AP1B1: variants seen among roughly 807,000 people sequenced by gnomAD.
AP1B1 encodes the protein AP-1 complex subunit beta-1.
Under a neutral mutation model 104.3 loss-of-function variants are expected in AP1B1, and 36 were observed. The ratio of observed to expected loss-of-function variants is 0.35; its 90% CI spans 0.26 to 0.46. AP1B1 has a LOEUF of 0.46. Ranked by LOEUF, AP1B1 falls within the 20% of genes least tolerant of loss-of-function variation. AP1B1 has a pLI of 1.00. For synonymous variants in AP1B1, 504 were observed against 517.5 expected, an observed-to-expected ratio of 0.97 and a Z score of 0.35; for missense variants, 901 against 1,247.9, an observed-to-expected ratio of 0.72 and a Z score of 4.19.
intron 1 of AP1B1, among the ~76,000 whole-genome samples, chr22:29,376,019 A>G (rs2062335338): frequency 6.6e-6 from 1 of 152,124 alleles, no homozygotes; most frequent in African/African-American, 2.4e-5. Flanking sequence ...TGAGGGGCCC[A>G]TTTCCCTACC....
At chr22:29,380,968 C>T (rs1191476439) in intron 1 of AP1B1, among the ~76,000 whole-genome samples, 15 of 152,228 alleles carry the variant, frequency 9.9e-5, no homozygotes, top group Admixed American at 9.2e-4. Context: ...CTCACGCATG[C>T]ACCCTGCTGG....
chr22:29,346,173 G>A (rs528748827), intron 11 of AP1B1, among the ~76,000 whole-genome samples: 1 of 152,324 alleles, frequency 6.6e-6, no homozygotes, highest in South Asian at 2.1e-4. Flanking sequence ...ACAACAGGGA[G>A]GAGGAGCTTG....
chr22:29,333,838 C>T (rs762490533), intron 17 of AP1B1, among the ~76,000 whole-genome samples: 104 of 152,126 alleles, frequency 6.8e-4, no homozygotes, highest in Admixed American at 1.3e-3. Context: ...CCGAGGTGGG[C>T]GGATTGCCTG....
At chr22:29,383,538 G>A (rs1470215243) in intron 1 of AP1B1, among the ~76,000 whole-genome samples, 3 of 151,830 alleles carry the variant, frequency 2.0e-5, no homozygotes, top group African/African-American at 7.3e-5. Flanking sequence ...GTGAAACCCC[G>A]TCTTTATTAA....
At position 29,356,436 on chromosome 22, in the gene AP1B1, C is replaced by T. The variant is rs1406452333; in HGVS notation, c.706G>A (p.Glu236Lys). 3 of 1,613,086 alleles carry T rather than the reference C, an allele frequency of 1.9e-6. No homozygotes were observed. Among genetic ancestry groups the T allele is most frequent in the Admixed American group, 1.7e-5 (1 of 59,996 alleles). ...GGGCAGCCCGCTCACCTCTGGGCCT[C>T]GCGGTCGTCCTTGGGCATATAGTTG... The part of the protein sequence containing the change: ...LANYMPKDDR[E>K]AQSICERVTP... The change falls in exon 6 of 23, where the codon GAG (glutamate) becomes AAG (lysine). Residue 236 changes from glutamate (E) to lysine (K), a missense_variant. This residue lies in a region of AP1B1 where 471 missense variants were observed against 696.7 expected (regional missense o/e 0.68). Transcript: ENST00000357586.
rs566793607 is a variant in AP1B1 at position 29,364,702 on chromosome 22, C to G, written c.38-1596G>C. ...GCACTGGGATTACAGGCATGAGCCA[C>G]CACGCCCGGCCATTTTTTTTTTTTG... On this transcript the variant is annotated intron_variant, in intron 2 of 22. Coordinates refer to ENST00000357586, the MANE Select transcript of AP1B1 (RefSeq NM_001127.4). 4.4e-4 allele frequency among the ~76,000 whole-genome samples: 67 copies of G among 151,850 alleles called. 1 individual carries two copies. The highest frequency in any genetic ancestry group is 1.0e-3 in the South Asian group (5 of 4,800).
In AP1B1 at chr22:29,331,921, GGAGA is replaced by G; in HGVS notation, c.2310-9_2310-6del. 6.2e-7 allele frequency: 1 copy of G among 1,607,072 alleles called. No homozygotes were observed. The highest frequency in any genetic ancestry group is 2.2e-5 in the East Asian group (1 of 44,784). The stretch of plus-strand genomic sequence containing the variant: ...GCGGCGGGGGCCAGGCCAAAGCTGG[GGAGA>G]GAGAAGCCCCACAGGGATGGCAGGG... On this transcript the variant is annotated splice_polypyrimidine_tract_variant and splice_region_variant and intron_variant, in intron 17 of 22. Transcript: ENST00000357586.
chr22:29,360,087 G>C (rs1223674550), intron 3 of AP1B1, 128 bp from the exon 4 acceptor site: 3 of 1,008,344 alleles, frequency 3.0e-6, no homozygotes, highest in Admixed American at 5.5e-5. Context: ...GGACTTCCTG[G>C]TAAAAGGGAG....
intron 19 of AP1B1, 128 bp from the exon 20 acceptor site, chr22:29,330,837 C>T (rs1017379362): frequency 1.7e-5 from 13 of 753,374 alleles, no homozygotes; most frequent in Middle Eastern, 3.7e-4. Flanking sequence ...CACTAGCTGC[C>T]GCACAGCCCT....
chr22:29,374,252 G>A (rs1335103655), intron 1 of AP1B1, among the ~76,000 whole-genome samples: 1 of 138,922 alleles, frequency 7.2e-6, no homozygotes, highest in Non-Finnish European at 1.5e-5. Context: ...CAAATCTGGA[G>A]AAGAAAGGAA....
rs758151161 is a variant in AP1B1 at position 29,338,945 on chromosome 22, A to G, written c.2163+45T>C. 65 of 1,611,696 alleles carry G rather than the reference A, an allele frequency of 4.0e-5. No individual in the cohort carries two copies. The South Asian group carries it at 5.7e-4, about 14-fold the overall frequency. ...TAAAGGAGCCCACATGCCAGTCTCC[A>G]TAACTTCTCTCTGCTCCCGCCAAGA... On this transcript the variant is annotated intron_variant, in intron 16 of 22. Transcript: ENST00000357586.
intron 1 of AP1B1, among the ~76,000 whole-genome samples, chr22:29,382,325 G>A (rs2062449447): frequency 6.6e-6 from 1 of 152,164 alleles, no homozygotes; most frequent in Non-Finnish European, 1.5e-5. Flanking sequence ...GGGATTACAG[G>A]CATGAGCCAC....
chr22:29,378,185 G>A (rs1308787001), intron 1 of AP1B1, among the ~76,000 whole-genome samples: 1 of 152,282 alleles, frequency 6.6e-6, no homozygotes, highest in African/African-American at 2.4e-5. Context: ...GTTTGGTCAT[G>A]TGCCTAGTGA....
Position 29,358,914 on chromosome 22 carries a change from T to C in AP1B1, c.337A>G (p.Ile113Val). 6.2e-7 allele frequency: 1 copy of C among 1,613,064 alleles called. No homozygotes were observed. The highest frequency in any genetic ancestry group is 8.5e-7 in the Non-Finnish European group (1 of 1,179,654). Residue 113 changes from isoleucine to valine, a missense_variant, in exon 5 of 23, where the codon ATC becomes GTC. Coordinates refer to ENST00000357586, the MANE Select transcript of AP1B1 (RefSeq NM_001127.4). ...RALAVRTMGC[I>V]RVDKITEYLC... The stretch of plus-strand genomic sequence containing the variant: ...TACTCTGTGATCTTGTCAACGCGGA[T>C]GCAGCCCATGGTCCGCACTGCCAGG...
At chr22:29,347,157 T>G (rs1260909374) in intron 11 of AP1B1, among the ~76,000 whole-genome samples, 2 of 152,114 alleles carry the variant, frequency 1.3e-5, no homozygotes, top group East Asian at 3.9e-4. Flanking sequence ...AGAAGATAGC[T>G]CAATGCCACC....
At chr22:29,332,658 G>A (rs561487284) in intron 17 of AP1B1, among the ~76,000 whole-genome samples, 1 of 152,316 alleles carries the variant, frequency 6.6e-6, no homozygotes, top group East Asian at 1.9e-4. Flanking sequence ...TGAGGACACC[G>A]TCTCAGGGAG....
chr22:29,349,377 C>G lies in AP1B1; in HGVS notation c.1278G>C (p.Glu426Asp). Residue 426 changes from glutamate (E) to aspartate (D), a missense_variant, in exon 11 of 23, where the codon GAG becomes GAC. Glu to Asp is a conservative substitution (Grantham distance 45). This residue lies in a region of AP1B1 where 471 missense variants were observed against 696.7 expected (regional missense o/e 0.68). Transcript: ENST00000357586. ...DIFRKYPNKYESVIATLCENL... is the reference protein window; with the variant it reads ...DIFRKYPNKYDSVIATLCENL... ...TCTCACACAGTGTGGCAATCACACT[C>G]TCATACCTGGGAGACCAGGGCACAG... The G allele has an allele frequency of 6.2e-7, 1 of 1,613,748 alleles. No homozygotes were observed. Among genetic ancestry groups the G allele is most frequent in the Non-Finnish European group, 8.5e-7 (1 of 1,179,996 alleles).
intron 1 of AP1B1, among the ~76,000 whole-genome samples, chr22:29,369,550 T>A (rs1486056568): frequency 6.6e-6 from 1 of 152,204 alleles, no homozygotes; most frequent in Non-Finnish European, 1.5e-5. Context: ...ATGTTGCAAG[T>A]CCCACAGTGG....
At chr22:29,363,260 G>C (rs1896354452) in intron 2 of AP1B1, among the ~76,000 whole-genome samples, 154 bp from the exon 3 acceptor site, 1 of 152,048 alleles carries the variant, frequency 6.6e-6, no homozygotes, top group Admixed American at 6.6e-5. Context: ...AGGTGGGCCA[G>C]GCAACAGTGA....
Sources: allele counts gnomAD v4.1 joint callset (sites outside exome capture counted in the v4.1 genomes callset), GRCh38; gene constraint gnomAD v4.1.1; regional missense constraint gnomAD v4.1.1; transcripts MANE v1.5; gene names NCBI Gene and HGNC (gene_info 2026-07-23, HGNC 2026-07-21).